Variants in SGCD observed in about 807,000 individuals in gnomAD.
SGCD encodes the protein sarcoglycan delta.
A neutral mutation model predicts 36.6 loss-of-function variants in SGCD; 18 were observed. The observed-to-expected ratio is 0.49, with a 90% CI of 0.34 to 0.73. The LOEUF (loss-of-function observed/expected upper bound fraction) is 0.73, where lower values mean the gene tolerates loss of function less well. Ranked by LOEUF, SGCD falls within the 30% of genes least tolerant of loss-of-function variation. The pLI is 0.01. For missense variants in SGCD, 387 were observed against 346.7 expected (o/e 1.12, Z -0.92); for synonymous variants, 133 against 130.6 (o/e 1.02, Z -0.12).
chr5:156,082,531 T>A (rs570354395), intron 1 of SGCD, among the ~76,000 whole-genome samples: 4 of 152,294 alleles, frequency 2.6e-5, no homozygotes, highest in South Asian at 4.1e-4. Context: ...CCTCTGCAGA[T>A]TCAACCAAGT....
At chr5:155,823,575 TG>T in the SGCD span, among the ~76,000 whole-genome samples, 127 of 152,144 alleles carry the variant, frequency 8.3e-4, 1 homozygote, top group Non-Finnish European at 1.5e-3. Flanking sequence ...TCTGCAAAGT[TG>T]GGAATCCGCC....
chr5:156,728,623 AC>A (rs1360443146), intron 7 of SGCD, among the ~76,000 whole-genome samples: 13 of 151,374 alleles, frequency 8.6e-5, no homozygotes, highest in Admixed American at 8.6e-4. Flanking sequence ...CCAAGATAAG[AC>A]TTTTTAAAAT....
chr5:156,714,486 CT>C (rs1366025945), intron 7 of SGCD, among the ~76,000 whole-genome samples: 2 of 152,120 alleles, frequency 1.3e-5, no homozygotes, highest in African/African-American at 4.8e-5. Context: ...TAAATCAATA[CT>C]ATTTATTAAA....
chr5:156,461,831 C>T (rs1156979682), intron 3 of SGCD, among the ~76,000 whole-genome samples: 1 of 152,074 alleles, frequency 6.6e-6, no homozygotes, highest in African/African-American at 2.4e-5. Flanking sequence ...TTGTGACTGA[C>T]CAGGTTTCTT....
intron 3 of SGCD, among the ~76,000 whole-genome samples, chr5:156,369,106 A>T (rs933045607): frequency 6.6e-6 from 1 of 152,230 alleles, no homozygotes; most frequent in Non-Finnish European, 1.5e-5. Flanking sequence ...TGTATGAGAC[A>T]GAGGGTTTAA....
chr5:156,574,699 T>A (rs1248640778), intron 4 of SGCD, among the ~76,000 whole-genome samples: 1 of 152,176 alleles, frequency 6.6e-6, no homozygotes, highest in African/African-American at 2.4e-5. Context: ...AGACTAGGCA[T>A]ATTTCCTCTA....
At chr5:155,804,966 C>A in the SGCD span, among the ~76,000 whole-genome samples, 6 of 152,290 alleles carry the variant, frequency 3.9e-5, no homozygotes, top group African/African-American at 1.2e-4. Context: ...CAGTGTCCAG[C>A]ACAGTTGCCA....
At chr5:156,531,402 G>A (rs1172810474) in intron 4 of SGCD, among the ~76,000 whole-genome samples, 1 of 152,218 alleles carries the variant, frequency 6.6e-6, no homozygotes, top group Admixed American at 6.5e-5. Flanking sequence ...AAATGTACAG[G>A]AAGTATAATG....
intron 1 of SGCD, among the ~76,000 whole-genome samples, chr5:156,010,956 GCT>G (rs1355458330): frequency 6.6e-6 from 1 of 152,040 alleles, no homozygotes. Flanking sequence ...ACTTCATTAT[GCT>G]CTGTTTTGTT....
intron 3 of SGCD, among the ~76,000 whole-genome samples, chr5:156,417,232 C>T (rs7729019): frequency 0.67 from 101,394 of 152,050 alleles, 34,391 homozygotes; most frequent in Middle Eastern, 0.88. Flanking sequence ...TATTTTTACC[C>T]TTGTTCCAAA....
the SGCD span, among the ~76,000 whole-genome samples, chr5:155,832,263 G>T: frequency 0.018 from 2,683 of 152,244 alleles, 84 homozygotes; most frequent in African/African-American, 0.06. Flanking sequence ...CAGGAATCTA[G>T]ACTGGATGAC....
chr5:156,380,785 T>C (rs1770934984), intron 3 of SGCD, among the ~76,000 whole-genome samples: 1 of 152,196 alleles, frequency 6.6e-6, no homozygotes, highest in South Asian at 2.1e-4. Flanking sequence ...AAGTGTGTAG[T>C]GCAGAGCCCA....
At chr5:156,022,665 C>A (rs1759132541) in intron 1 of SGCD, among the ~76,000 whole-genome samples, 1 of 152,070 alleles carries the variant, frequency 6.6e-6, no homozygotes, top group Non-Finnish European at 1.5e-5. Context: ...ATATTTGTAC[C>A]TGTTTTTATA....
chr5:155,915,375 C>T (rs372427519), intron 1 of SGCD, among the ~76,000 whole-genome samples: 6 of 152,122 alleles, frequency 3.9e-5, no homozygotes, highest in East Asian at 1.9e-4. Flanking sequence ...ATTGAAAACG[C>T]ATGGTTTAAA....
chr5:156,393,632 A>G, intron 3 of SGCD: 1 of 427,696 alleles, frequency 2.3e-6, no homozygotes, highest in East Asian at 7.1e-5. Context: ...AATTGGCCAT[A>G]GTGAGAGTAT....
At chr5:155,776,528 G>T in the SGCD span, among the ~76,000 whole-genome samples, 1 of 152,054 alleles carries the variant, frequency 6.6e-6, no homozygotes, top group African/African-American at 2.4e-5. Context: ...TCCTTAGGAT[G>T]GAAGAAACCA....
intron 3 of SGCD, among the ~76,000 whole-genome samples, chr5:156,251,636 T>C (rs1765580614): frequency 6.6e-6 from 1 of 152,038 alleles, no homozygotes; most frequent in Non-Finnish European, 1.5e-5. Flanking sequence ...TGCCTCAGCC[T>C]CCCCAGTAGC....
chr5:156,189,876 T>C (rs1028776476), intron 3 of SGCD, among the ~76,000 whole-genome samples: 11 of 152,114 alleles, frequency 7.2e-5, no homozygotes, highest in Admixed American at 5.2e-4. Flanking sequence ...GATTCTGAGG[T>C]TGGGAGCACT....
intron 7 of SGCD, among the ~76,000 whole-genome samples, chr5:156,687,536 T>C (rs1753948990): frequency 6.6e-6 from 1 of 152,140 alleles, no homozygotes; most frequent in Non-Finnish European, 1.5e-5. Context: ...AGACTCTCTT[T>C]CCTCAACTTT....
Sources: gnomAD v4.1 joint callset for allele counts (sites outside exome capture counted in the v4.1 genomes callset) on GRCh38, gnomAD v4.1.1 for gene constraint, MANE v1.5 for transcripts, NCBI Gene and HGNC (gene_info 2026-07-23, HGNC 2026-07-21) for gene names.